RPS6KA2: variants seen among roughly 807,000 people sequenced by gnomAD.
RPS6KA2 encodes ribosomal protein S6 kinase alpha-2.
RPS6KA2 carries 42 observed loss-of-function variants against 91.8 expected under a neutral mutation model. That is an observed-to-expected ratio of 0.46 (90% CI 0.36 to 0.59). The LOEUF is 0.59. Among genes scored for constraint, RPS6KA2 ranks in the 20% least tolerant of loss-of-function variants. The probability of loss-of-function intolerance (pLI) is 0.00; values close to 1 mark genes in which losing one functional copy is unlikely to be tolerated. For missense variants in RPS6KA2, 798 were observed against 978.5 expected, an observed-to-expected ratio of 0.82 and a Z score of 2.46; for synonymous variants, 414 against 393.6, an observed-to-expected ratio of 1.05 and a Z score of -0.61.
chr6:166,559,814 T>C (rs1485729732), intron 1 of RPS6KA2, among the ~76,000 whole-genome samples: 1 of 152,162 alleles, frequency 6.6e-6, no homozygotes, highest in Non-Finnish European at 1.5e-5. Context: ...AAGGAAATAA[T>C]AGAGATATAT....
chr6:166,415,352 G>C (rs1042512922), intron 19 of RPS6KA2, among the ~76,000 whole-genome samples: 8 of 152,280 alleles, frequency 5.3e-5, no homozygotes, highest in Non-Finnish European at 8.8e-5. Context: ...GAGAGAAGCA[G>C]TATTTTTACT....
chr6:166,683,055 C>T (rs371291351), intron 2 of RPS6KA2, among the ~76,000 whole-genome samples: 3 of 152,310 alleles, frequency 2.0e-5, no homozygotes, highest in South Asian at 4.1e-4. Flanking sequence ...CGCTTGCCCT[C>T]GGTGAAGCCC....
rs1781659245 is a variant in RPS6KA2 at position 166,493,003 on chromosome 6, A to G, written c.748-2262T>C. On this transcript the variant is annotated intron_variant, in intron 8 of 20. Transcript: ENST00000265678. This position sits in a 1 kb window ranked among gnomAD's most constrained non-coding sequence, Gnocchi z 4.7. ...CGCCTTGGCCTCCCACAATGCTTGG[A>G]TTATAGGCGTGAGCCACTGCGCCTG... is the stretch of plus-strand genomic sequence containing the variant. Among the ~76,000 whole-genome samples, 1 of 149,196 alleles carries G rather than the reference A, an allele frequency of 6.7e-6. No individual in the cohort carries two copies. The highest frequency in any genetic ancestry group is 6.8e-5 in the Admixed American group (1 of 14,772).
chr6:166,576,141 C>A (rs1012655190), intron 1 of RPS6KA2, among the ~76,000 whole-genome samples: 1 of 152,220 alleles, frequency 6.6e-6, no homozygotes, highest in Admixed American at 6.5e-5. Context: ...GTACCTTACA[C>A]CTCCTGCCAT....
chr6:166,550,862 G>A (rs558858238), intron 1 of RPS6KA2, among the ~76,000 whole-genome samples: 10 of 151,930 alleles, frequency 6.6e-5, no homozygotes, highest in East Asian at 3.9e-4. Flanking sequence ...TTAGCCAGGC[G>A]TGGTGGCGGG....
chr6:166,731,734 C>T (rs1457676453), intron 2 of RPS6KA2, among the ~76,000 whole-genome samples: 4 of 152,058 alleles, frequency 2.6e-5, no homozygotes, highest in Non-Finnish European at 4.4e-5. Flanking sequence ...CTGTAATCTG[C>T]GACCAGATGT....
intron 1 of RPS6KA2, 73 bp from the exon 2 acceptor site, chr6:166,538,857 CCT>C (rs1001810139): frequency 4.0e-5 from 30 of 745,150 alleles, no homozygotes; most frequent in South Asian, 9.8e-5. Context: ...TTCCTCCTCC[CCT>C]GAGTTTACCA....
intron 2 of RPS6KA2, among the ~76,000 whole-genome samples, chr6:166,774,162 G>C (rs185793745): frequency 6.6e-6 from 1 of 152,104 alleles, no homozygotes; most frequent in Non-Finnish European, 1.5e-5. Flanking sequence ...TGATCCTCAG[G>C]GGTCTTTTAT....
At chr6:166,470,516 C>T (rs1174863125) in intron 10 of RPS6KA2, among the ~76,000 whole-genome samples, 3 of 152,234 alleles carry the variant, frequency 2.0e-5, no homozygotes, top group Non-Finnish European at 4.4e-5. Context: ...TAACCTCCTC[C>T]CTTACTTTGT....
rs1180281623 is a variant in RPS6KA2 at position 166,411,220 on chromosome 6, T to TA, written c.*1541_*1542insT. 1 of 134,316 alleles carries TA rather than the reference T, an allele frequency of 7.4e-6. No homozygotes were observed. Among genetic ancestry groups the TA allele is most frequent in the African/African-American group, 3.5e-5 (1 of 28,934 alleles). 8.3% of individuals were successfully genotyped at this position (134,316 alleles called of 1,614,324 possible). A position where few individuals can be genotyped will look rare whatever the true frequency, so the allele number is the denominator to read the frequency against. ...AGAACGCAGCACATTTTTTCTTTAT[T>TA]TTTTTTTTTTTAGTTGGGTACGAGA... On this transcript the variant is annotated 3_prime_UTR_variant, in exon 21 of 21. Transcript: ENST00000265678. This position sits in a 1 kb window ranked among gnomAD's most constrained non-coding sequence, Gnocchi z 4.5.
intron 2 of RPS6KA2, chr6:166,701,740 A>C: frequency 7.7e-7 from 1 of 1,291,928 alleles, no homozygotes; most frequent in Non-Finnish European, 1.1e-6. Context: ...TCCAGGAATT[A>C]AATGTGCTTG....
At chr6:166,453,481 G>A (rs558513131) in intron 12 of RPS6KA2, among the ~76,000 whole-genome samples, 5 of 152,162 alleles carry the variant, frequency 3.3e-5, no homozygotes, top group Admixed American at 1.3e-4. Flanking sequence ...GCTCAAGATC[G>A]CTAATCATCA....
chr6:166,821,583 CG>C lies in RPS6KA2; in HGVS notation c.123+36616del, dbSNP rs969952223. On this transcript the variant is annotated intron_variant, in intron 2 of 21. Transcript: ENST00000503859. This position sits in a 1 kb window ranked among gnomAD's most constrained non-coding sequence, Gnocchi z 4.1. Reference sequence around the variant, plus strand: ...TGCGGTGGGCCATCCCTCCTCCCACCGTAACCACCTACGCTCCCCTGGGTTT... The same window carrying C: ...TGCGGTGGGCCATCCCTCCTCCCACCTAACCACCTACGCTCCCCTGGGTTT... Among the ~76,000 whole-genome samples, 1 of 152,066 alleles carries C rather than the reference CG, an allele frequency of 6.6e-6. No homozygotes were observed. Among genetic ancestry groups the C allele is most frequent in the African/African-American group, 2.4e-5 (1 of 41,402 alleles).
At position 166,741,404 on chromosome 6, in the gene RPS6KA2, T is replaced by G. The variant is rs551781589; in HGVS notation, c.123+116796A>C. Among the ~76,000 whole-genome samples, 4 of 152,350 alleles carry G rather than the reference T, an allele frequency of 2.6e-5. No homozygotes were observed. In the South Asian group the frequency reaches 8.3e-4, roughly 32 times the overall value. On this transcript the variant is annotated intron_variant, in intron 2 of 21. Coordinates refer to the RPS6KA2 transcript ENST00000503859. ...TCTGGCTCGCCAGGGACTCAAATGT[T>G]ATATCTAAGTTTTGAGTGTTGAATG...
chr6:166,540,863 A>T (rs1294604661), intron 1 of RPS6KA2, among the ~76,000 whole-genome samples: 2 of 152,228 alleles, frequency 1.3e-5, no homozygotes, highest in Admixed American at 6.5e-5. Context: ...GGCTTCCTGC[A>T]CAAAAAACAA....
chr6:166,805,712 C>T (rs1052582627), intron 2 of RPS6KA2, among the ~76,000 whole-genome samples: 2 of 151,788 alleles, frequency 1.3e-5, no homozygotes, highest in African/African-American at 4.8e-5. Flanking sequence ...CCAGTTTCAA[C>T]AAAAAATCAT....
chr6:166,822,527 T>C (rs998837856), intron 2 of RPS6KA2, among the ~76,000 whole-genome samples: 3 of 152,286 alleles, frequency 2.0e-5, no homozygotes, highest in Admixed American at 6.5e-5. Flanking sequence ...TAACTTTCTG[T>C]TGTGAAAGCT....
rs550111040 is a variant in RPS6KA2, at chr6:166,533,442, G to T, written c.217-2129C>A. Among the ~76,000 whole-genome samples, 3 of 152,252 alleles carry T rather than the reference G, an allele frequency of 2.0e-5. No homozygotes were observed. The highest frequency in any genetic ancestry group is 7.2e-5 in the African/African-American group (3 of 41,464). On this transcript the variant is annotated intron_variant, in intron 2 of 20. Coordinates refer to ENST00000265678, the MANE Select transcript of RPS6KA2 (RefSeq NM_021135.6). This position sits in a 1 kb window ranked among gnomAD's most constrained non-coding sequence, Gnocchi z 4.0. Reference sequence around the variant, plus strand: ...CTGGGTCCCAAAAAAGTCGGAGGGGGTGTGGAACAAGGGACAGTTGTGTTT... The same window carrying T: ...CTGGGTCCCAAAAAAGTCGGAGGGGTTGTGGAACAAGGGACAGTTGTGTTT...
intron 14 of RPS6KA2, among the ~76,000 whole-genome samples, chr6:166,436,581 C>T (rs544689968): frequency 2.6e-5 from 4 of 152,362 alleles, no homozygotes; most frequent in Non-Finnish European, 4.4e-5. Context: ...CGACACTTCT[C>T]TTCCCACTCT....
Sources: gnomAD v4.1 joint callset for allele counts (sites outside exome capture counted in the v4.1 genomes callset) on GRCh38, gnomAD v4.1.1 for gene constraint, Gnocchi (gnomAD v3.1) non-coding constraint, MANE v1.5 for transcripts, NCBI Gene and HGNC (gene_info 2026-07-23, HGNC 2026-07-21) for gene names.